The following ZBBX variants were observed in gnomAD, a reference collection of about 807,000 sequenced individuals.
The protein encoded by ZBBX is zinc finger B-box domain-containing protein 1.
Under a neutral mutation model 108.5 loss-of-function variants are expected in ZBBX, and 101 were observed. The ratio of observed to expected loss-of-function variants is 0.93; its 90% confidence interval spans 0.79 to 1.10. ZBBX has a LOEUF of 1.10. Ranked by LOEUF, ZBBX falls within the 50% of genes least tolerant of loss-of-function variation. ZBBX has a pLI of 0.00. For missense variants in ZBBX, 1,009 were observed against 941.4 expected (o/e 1.07, Z -0.94); for synonymous variants, 356 against 323.4 (o/e 1.10, Z -1.08).
rs749246314 is a variant in ZBBX at position 167,305,841 on chromosome 3, T to C, written c.1527A>G (p.Lys509=). The C allele has an allele frequency of 1.2e-6, 2 of 1,611,300 alleles. No individual in the cohort carries two copies. Among genetic ancestry groups the C allele is most frequent in the Non-Finnish European group, 1.7e-6 (2 of 1,178,750 alleles). ...TTTGATTACTTTCTAAACCTATATT[T>C]TTCTCCTTTAAATTTCTTTCAAAGG... is the stretch of plus-strand genomic sequence containing the variant. ...STSFERNLKE[K]NIGLESNQKS... is the part of the protein sequence containing the mutation. The change falls in exon 17 of 22, where the codon AAA becomes AAG. Residue 509 remains lysine (K), a synonymous_variant. Transcript: ENST00000675490.
At chr3:167,254,944 C>G (rs932459671) in intron 20 of ZBBX, among the ~76,000 whole-genome samples, 1 of 67,966 alleles carries the variant, frequency 1.5e-5, no homozygotes, top group African/African-American at 6.4e-5. Flanking sequence ...GACAGAGAAT[C>G]TAGGAGGCTT....
intron 12 of ZBBX, 65 bp from the exon 13 acceptor site, chr3:167,317,662 C>T: frequency 9.5e-7 from 1 of 1,055,924 alleles, no homozygotes; most frequent in South Asian, 1.5e-5. Context: ...CCCAGACAAG[C>T]TCTTGATTTA....
intron 20 of ZBBX, among the ~76,000 whole-genome samples, chr3:167,264,304 C>T (rs1489555748): frequency 6.6e-6 from 1 of 152,008 alleles, no homozygotes; most frequent in Non-Finnish European, 1.5e-5. Flanking sequence ...TCCTCTCTTC[C>T]TTTTAGTGAA....
the ZBBX span, among the ~76,000 whole-genome samples, chr3:167,219,667 TA>T: frequency 1.3e-5 from 2 of 151,438 alleles, no homozygotes; most frequent in African/African-American, 4.8e-5. Context: ...GTCTACATCA[TA>T]AAAGTAAAAA....
At chr3:167,368,801 A>G (rs1577107790) in intron 4 of ZBBX, 16 of 1,064,680 alleles carry the variant, frequency 1.5e-5, no homozygotes, top group East Asian at 5.0e-5. Flanking sequence ...TAATTATTAC[A>G]TTGCTAGGGG....
chr3:167,383,029 C>T (rs900903252), upstream of ZBBX, among the ~76,000 whole-genome samples: 4 of 151,992 alleles, frequency 2.6e-5, no homozygotes, highest in Admixed American at 1.3e-4. Context: ...CTAATAATTC[C>T]GTCCTTAATG....
chr3:167,398,806 T>C (rs1052185210), intron 1 of ZBBX, among the ~76,000 whole-genome samples: 1 of 152,008 alleles, frequency 6.6e-6, no homozygotes, highest in Non-Finnish European at 1.5e-5. Context: ...TAAATATTAA[T>C]CCCCTATGTG....
intron 11 of ZBBX, among the ~76,000 whole-genome samples, chr3:167,326,571 A>G (rs987730701): frequency 3.9e-5 from 6 of 152,130 alleles, no homozygotes; most frequent in African/African-American, 1.4e-4. Context: ...TCCAAAGCAG[A>G]CAAAGAAGAA....
At chr3:167,286,084 T>C (rs975898579) in intron 19 of ZBBX, among the ~76,000 whole-genome samples, 2 of 152,014 alleles carry the variant, frequency 1.3e-5, no homozygotes, top group Non-Finnish European at 2.9e-5. Context: ...GGTCTCTCTA[T>C]GGAGGTAGCA....
the ZBBX span, among the ~76,000 whole-genome samples, chr3:167,182,074 A>T: frequency 2.0e-5 from 3 of 152,308 alleles, no homozygotes; most frequent in East Asian, 5.8e-4. Context: ...GACATATTCC[A>T]GACTCAGCAG....
At chr3:167,188,695 A>G in the ZBBX span, among the ~76,000 whole-genome samples, 1 of 152,172 alleles carries the variant, frequency 6.6e-6, no homozygotes, top group Non-Finnish European at 1.5e-5. Flanking sequence ...TTTGTCATTT[A>G]TCTACATAAT....
At chr3:167,401,684 G>C (rs553782766) in intron 1 of ZBBX, among the ~76,000 whole-genome samples, 180 of 152,192 alleles carry the variant, frequency 1.2e-3, no homozygotes, top group Non-Finnish European at 2.2e-3. Flanking sequence ...GTTTTGGTTG[G>C]TTTTAGTTGG....
chr3:167,230,292 C>A, the ZBBX span, among the ~76,000 whole-genome samples: 3 of 151,796 alleles, frequency 2.0e-5, no homozygotes, highest in African/African-American at 7.3e-5. Context: ...AACAACATTT[C>A]TTTATTAAGT....
In ZBBX at chr3:167,291,462, A is replaced by G. The variant is rs527469734; in HGVS notation, c.1880-2479T>C. Among the ~76,000 whole-genome samples the G allele has an allele frequency of 3.3e-5, 5 of 152,292 alleles. No homozygotes were observed. The East Asian group carries it at 9.7e-4, about 29-fold the overall frequency. Reference sequence around the variant, plus strand: ...TTTACATCCAGCCAAACTAAGCTTCATAAGCAAAAGAGAAATAAAATCATT... The same window carrying G: ...TTTACATCCAGCCAAACTAAGCTTCGTAAGCAAAAGAGAAATAAAATCATT... On this transcript the variant is annotated intron_variant, in intron 18 of 21. Coordinates refer to ENST00000675490, the MANE Select transcript of ZBBX (RefSeq NM_001199201.2).
chr3:167,385,020 A>G (rs1001897284), upstream of ZBBX, among the ~76,000 whole-genome samples: 2 of 152,108 alleles, frequency 1.3e-5, no homozygotes, highest in African/African-American at 2.4e-5. Flanking sequence ...AGTCAGTTTC[A>G]AAAAACAGAA....
At chr3:167,296,217 A>T (rs1731666232) in intron 18 of ZBBX, among the ~76,000 whole-genome samples, 2 of 152,096 alleles carry the variant, frequency 1.3e-5, no homozygotes, top group Admixed American at 6.6e-5. Context: ...TATGATAAGA[A>T]CAACCAACAA....
chr3:167,323,192 C>T (rs905799645), intron 11 of ZBBX, among the ~76,000 whole-genome samples: 2 of 147,874 alleles, frequency 1.4e-5, no homozygotes, highest in South Asian at 2.2e-4. Context: ...ACTATGAGTC[C>T]CCCTTTTCAT....
chr3:167,366,527 A>C (rs1358295229), intron 5 of ZBBX, among the ~76,000 whole-genome samples: 1 of 151,864 alleles, frequency 6.6e-6, no homozygotes, highest in Non-Finnish European at 1.5e-5. Context: ...GAAGTTATCA[A>C]GGCAGAGAGT....
In ZBBX at chr3:167,359,867, TACCAGTAGAGC is replaced by T. The variant is rs567843511; in HGVS notation, c.424_432+2del. 7.3e-5 allele frequency: 105 copies of T among 1,434,326 alleles called. No homozygotes were observed. Among genetic ancestry groups the T allele is most frequent in the Non-Finnish European group, 1.0e-4 (105 of 1,042,566 alleles). The allele number at this position is 1,434,326 out of a possible 1,614,324, so 88.8% of individuals were successfully genotyped here. Reference sequence around the variant, plus strand: ...ATGTATATATACTATATAACGTACATACCAGTAGAGCAGCTTTGTTCTCACACTGTCCACAT... The same window carrying T: ...ATGTATATATACTATATAACGTACATAGCTTTGTTCTCACACTGTCCACAT... On this transcript the variant is annotated splice_donor_variant and coding_sequence_variant, in exon 8 of 22. Transcript: ENST00000675490. LOFTEE classifies it high-confidence loss of function.
Sources: allele counts gnomAD v4.1 joint callset (sites outside exome capture counted in the v4.1 genomes callset), GRCh38; gene constraint gnomAD v4.1.1; transcripts MANE v1.5; gene names NCBI Gene and HGNC (gene_info 2026-07-23, HGNC 2026-07-21).